The following STMND1 variants were observed in gnomAD, a reference collection of about 807,000 sequenced individuals.
The protein encoded by STMND1 is stathmin domain-containing protein 1.
STMND1 carries 17 observed loss-of-function variants against 23.0 expected under a neutral mutation model. That is an observed-to-expected ratio of 0.74 (90% CI 0.51 to 1.11). The LOEUF (loss-of-function observed/expected upper bound fraction) is 1.11, where lower values mean the gene tolerates loss of function less well. Among genes scored for constraint, STMND1 ranks in the 50% least tolerant of loss-of-function variants. The probability of loss-of-function intolerance (pLI) is 0.00; values close to 1 mark genes in which losing one functional copy is unlikely to be tolerated. For synonymous variants in STMND1, 114 were observed against 119.9 expected (o/e 0.95, Z 0.32); for missense variants, 305 against 329.1 (o/e 0.93, Z 0.57).
intron 3 of STMND1, among the ~76,000 whole-genome samples, chr6:17,127,765 T>C (rs977656246): frequency 6.6e-6 from 1 of 152,182 alleles, no homozygotes; most frequent in Non-Finnish European, 1.5e-5. Flanking sequence ...AAAAAAGTCT[T>C]TAGAGAAATT....
Position 17,102,214 on chromosome 6 carries a change from C to T in STMND1, c.-44C>T, listed in dbSNP as rs905365410. On this transcript the variant is annotated 5_prime_UTR_variant, in exon 1 of 5. Coordinates refer to ENST00000536551, the MANE Select transcript of STMND1 (RefSeq NM_001190766.2). ...GCGCGGCAGGGAGCGCTCGCGGGGG[C>T]GCACAGCAGCCAAGCCCGCGGAGGA... 13 of 1,497,222 alleles carry T rather than the reference C, an allele frequency of 8.7e-6. No individual in the cohort carries two copies. In the African/African-American group the frequency reaches 1.0e-4, roughly 12 times the overall value. 92.7% of individuals were successfully genotyped at this position (1,497,222 alleles called of 1,614,324 possible). A position where few individuals can be genotyped will look rare whatever the true frequency, so the allele number is the denominator to read the frequency against.
chr6:17,108,224 A>G (rs1761051789), intron 1 of STMND1, among the ~76,000 whole-genome samples: 1 of 152,230 alleles, frequency 6.6e-6, no homozygotes, highest in Non-Finnish European at 1.5e-5. Flanking sequence ...AGTAGCTTTG[A>G]TAACTCAATT....
At chr6:17,129,799 G>A (rs1314001239) in intron 4 of STMND1, among the ~76,000 whole-genome samples, 2 of 151,964 alleles carry the variant, frequency 1.3e-5, no homozygotes, top group Non-Finnish European at 2.9e-5. Context: ...AGCCGAGATT[G>A]TGCCACTGCA....
At chr6:17,125,301 G>A (rs1314848364) in intron 3 of STMND1, among the ~76,000 whole-genome samples, 1 of 152,082 alleles carries the variant, frequency 6.6e-6, no homozygotes, top group Non-Finnish European at 1.5e-5. Flanking sequence ...ACAAACATTG[G>A]TTTTACGTAC....
chr6:17,126,057 TA>T (rs1561925729), intron 3 of STMND1, among the ~76,000 whole-genome samples: 261 of 28,244 alleles, frequency 9.2e-3, no homozygotes, highest in Non-Finnish European at 0.014. Flanking sequence ...TATATATATA[TA>T]TATATATATA....
chr6:17,123,480 G>A (rs144212210), intron 3 of STMND1, among the ~76,000 whole-genome samples: 4 of 152,158 alleles, frequency 2.6e-5, no homozygotes, highest in East Asian at 3.9e-4. Flanking sequence ...TCCTTAACCC[G>A]CCGGTACATT....
chr6:17,126,072 T>TATA (rs1561925825), intron 3 of STMND1, among the ~76,000 whole-genome samples: 50 of 42,652 alleles, frequency 1.2e-3, no homozygotes, highest in Non-Finnish European at 1.7e-3. Flanking sequence ...ATATATATAT[T>TATA]TTTTTTTTTT....
In STMND1 at chr6:17,120,710, A is replaced by G. The variant is rs1001808652; in HGVS notation, c.363A>G (p.Ile121Met). 15 of 1,535,218 alleles carry G rather than the reference A, an allele frequency of 9.8e-6. No individual in the cohort carries two copies. Among genetic ancestry groups the G allele is most frequent in the Non-Finnish European group, 1.2e-5 (14 of 1,146,588 alleles). ...ILEELIVQGI[I>M]QSHSKVFRNG... ...AGGAACTAATTGTTCAAGGAATTAT[A>G]CAAAGCCACAGCAAAGTATTTAGAA... The change falls in exon 3 of 5, where the codon ATA (isoleucine) becomes ATG (methionine). Residue 121 changes from isoleucine to methionine, a missense_variant. Transcript: ENST00000536551.
intron 1 of STMND1, among the ~76,000 whole-genome samples, chr6:17,105,442 T>C (rs557744134): frequency 1.2e-4 from 18 of 152,000 alleles, no homozygotes; most frequent in Admixed American, 9.8e-4. Context: ...GGTCAGGGGT[T>C]TGAGACCAAC....
chr6:17,106,782 A>C (rs1297417220), intron 1 of STMND1, among the ~76,000 whole-genome samples: 1 of 152,152 alleles, frequency 6.6e-6, no homozygotes, highest in African/African-American at 2.4e-5. Context: ...CATGACTTTA[A>C]AATATTCTAA....
intron 3 of STMND1, 58 bp downstream of exon 3, chr6:17,120,816 T>G: frequency 7.7e-7 from 1 of 1,302,108 alleles, no homozygotes; most frequent in Non-Finnish European, 1.0e-6. Context: ...AGAATATGAT[T>G]GATCATGAGT....
At chr6:17,128,237 G>C (rs1179401940) in intron 3 of STMND1, 1 of 152,176 alleles carries the variant, frequency 6.6e-6, no homozygotes, top group Non-Finnish European at 1.5e-5. Context: ...GCTTTGAACT[G>C]TTGAAAGGGT....
rs148435580 is a variant in STMND1, at chr6:17,118,252, G to T, written c.260-2355G>T. ...CTTATGCTTATGAAGAGTTTCCAATGACATCAGAAAATGCTAACATAAATG... is the reference window on the plus strand; with the variant it reads ...CTTATGCTTATGAAGAGTTTCCAATTACATCAGAAAATGCTAACATAAATG... On this transcript the variant is annotated intron_variant, in intron 2 of 4. Transcript: ENST00000536551. Among the ~76,000 whole-genome samples the T allele has an allele frequency of 3.7e-3, 561 of 152,142 alleles. 1 individual carries two copies. The highest frequency in any genetic ancestry group is 6.5e-3 in the Non-Finnish European group (444 of 67,986).
At chr6:17,113,511 A>G (rs1191764611) in intron 1 of STMND1, among the ~76,000 whole-genome samples, 9 of 152,224 alleles carry the variant, frequency 5.9e-5, no homozygotes, top group Admixed American at 5.9e-4. Flanking sequence ...ATTTACAGTA[A>G]CACCAAGATT....
Position 17,130,775 on chromosome 6 carries a change from A to G in STMND1, c.725A>G (p.Lys242Arg). 2.0e-6 allele frequency: 3 copies of G among 1,536,106 alleles called. No individual in the cohort carries two copies. In the South Asian group the frequency reaches 3.6e-5, roughly 18 times the overall value. ...LQGGKPLKRK[K>R]SKCDATLIDR... Reference sequence around the variant, plus strand: ...GGAGGAAAACCATTGAAGAGGAAGAAGAGTAAATGTGATGCAACCTTGATT... The same window carrying G: ...GGAGGAAAACCATTGAAGAGGAAGAGGAGTAAATGTGATGCAACCTTGATT... The change falls in exon 5 of 5, where the codon AAG becomes AGG. Residue 242 changes from lysine (K) to arginine (R), a missense_variant. Physicochemically the swap from Lys to Arg is conservative, Grantham distance 26. Transcript: ENST00000536551.
Position 17,114,945 on chromosome 6 carries a change from C to G in STMND1, c.82-17C>G, listed in dbSNP as rs956682493. The stretch of plus-strand genomic sequence containing the variant: ...CCAAGAAATCTTGACTCTAACAAAA[C>G]TGTTCCCTTTTCACAGGCTGATGTC... On this transcript the variant is annotated splice_polypyrimidine_tract_variant and intron_variant, in intron 1 of 4. Transcript: ENST00000536551. The G allele has an allele frequency of 6.0e-6, 9 of 1,500,208 alleles. No individual in the cohort carries two copies. In the East Asian group the frequency reaches 2.0e-4, roughly 33 times the overall value. 92.9% of individuals were successfully genotyped at this position (1,500,208 alleles called of 1,614,324 possible).
intron 1 of STMND1, chr6:17,110,935 G>A: frequency 2.2e-6 from 1 of 453,524 alleles, no homozygotes; most frequent in Non-Finnish European, 4.4e-6. Flanking sequence ...AATGAGAAGT[G>A]GGAAACTTGC....
In STMND1 at chr6:17,125,307, C is replaced by T. The variant is rs140853551; in HGVS notation, c.412-3805C>T. Among the ~76,000 whole-genome samples, 46 of 152,228 alleles carry T rather than the reference C, an allele frequency of 3.0e-4. No homozygotes were observed. The East Asian group carries it at 7.3e-3, about 24-fold the overall frequency. ...ATATTGTAAACAAACATTGGTTTTA[C>T]GTACACATGTCGATATGTATATGGA... On this transcript the variant is annotated intron_variant, in intron 3 of 4. Coordinates refer to ENST00000536551, the MANE Select transcript of STMND1 (RefSeq NM_001190766.2).
chr6:17,107,055 T>G (rs1030940647), intron 1 of STMND1, among the ~76,000 whole-genome samples: 1 of 152,190 alleles, frequency 6.6e-6, no homozygotes, highest in Admixed American at 6.5e-5. Context: ...TCTAGTTGAT[T>G]GTCAGTAAAG....
Sources: allele counts gnomAD v4.1 joint callset (sites outside exome capture counted in the v4.1 genomes callset), GRCh38; gene constraint gnomAD v4.1.1; transcripts MANE v1.5; gene names NCBI Gene and HGNC (gene_info 2026-07-23, HGNC 2026-07-21).